Variants in DNAH1 observed in about 807,000 individuals in gnomAD.
The protein encoded by DNAH1 is axonemal beta dynein heavy chain 1.
Under a neutral mutation model 484.3 loss-of-function variants are expected in DNAH1, and 327 were observed. The ratio of observed to expected loss-of-function variants is 0.68; its 90% CI spans 0.62 to 0.74. The LOEUF is 0.74. Among genes scored for constraint, DNAH1 ranks in the 30% least tolerant of loss-of-function variants. DNAH1 has a pLI of 0.00. For missense variants in DNAH1, 5,052 were observed against 5,546.8 expected (o/e 0.91, Z 2.83); for synonymous variants, 2,192 against 2,191.9 (o/e 1.00, Z 0.00).
intron 44 of DNAH1, among the ~76,000 whole-genome samples, chr3:52,373,350 C>T (rs1287857865): frequency 1.3e-5 from 2 of 151,766 alleles, no homozygotes; most frequent in Non-Finnish European, 2.9e-5. Flanking sequence ...GGCGCTGCTG[C>T]TGCGGGGGCA....
chr3:52,374,223 C>G, intron 44 of DNAH1: 1 of 1,390,588 alleles, frequency 7.2e-7, no homozygotes, highest in Non-Finnish European at 1.0e-6. Flanking sequence ...AATGGCATAG[C>G]AGAGTTACTG....
intron 32 of DNAH1, 99 bp downstream of exon 32, chr3:52,363,243 T>C (rs532465121): frequency 1.0e-5 from 15 of 1,468,726 alleles, no homozygotes; most frequent in South Asian, 2.5e-5. Flanking sequence ...GCCCGGTGCT[T>C]TACAGGCATT....
At chr3:52,385,158 G>C (rs994126069) in intron 53 of DNAH1, among the ~76,000 whole-genome samples, 179 bp from the exon 54 acceptor site, 4 of 152,240 alleles carry the variant, frequency 2.6e-5, no homozygotes, top group African/African-American at 9.6e-5. Context: ...AGGCCAAAGC[G>C]TGGCACCCCA....
In DNAH1 at chr3:52,362,957, G is replaced by C; in HGVS notation, c.5095-38G>C. ...GAAGCTGGGGGTGCTCTGGGGGTGAGCTCTGTTTGCTGTTCACATGTGCAC... is the reference window on the plus strand; with the variant it reads ...GAAGCTGGGGGTGCTCTGGGGGTGACCTCTGTTTGCTGTTCACATGTGCAC... On this transcript the variant is annotated intron_variant, in intron 31 of 77. Coordinates refer to ENST00000420323, the MANE Select transcript of DNAH1 (RefSeq NM_015512.5). The surrounding 1 kb of genome is among the most constrained non-coding windows in gnomAD (Gnocchi z 5.1). 31 of 1,611,938 alleles carry C rather than the reference G, an allele frequency of 1.9e-5. No homozygotes were observed. Among genetic ancestry groups the C allele is most frequent in the Non-Finnish European group, 2.6e-5 (31 of 1,178,658 alleles).
At position 52,379,352 on chromosome 3, in the gene DNAH1, A is replaced by C. The variant is rs1040425074; in HGVS notation, c.7378-553A>C. Among the ~76,000 whole-genome samples, 3 of 152,176 alleles carry C rather than the reference A, an allele frequency of 2.0e-5. No individual in the cohort carries two copies. The highest frequency in any genetic ancestry group is 4.4e-5 in the Non-Finnish European group (3 of 68,032). On this transcript the variant is annotated intron_variant, in intron 47 of 77. Coordinates refer to ENST00000420323, the MANE Select transcript of DNAH1 (RefSeq NM_015512.5). The surrounding 1 kb of genome is among the most constrained non-coding windows in gnomAD (Gnocchi z 4.4). ...AGAAGCTGACCCTGGCCTTGTAGCC[A>C]CGCTTGTAGCCAACAAAGTCTACAG...
At chr3:52,384,746 G>A (rs539439797) in intron 52 of DNAH1, 40 bp from the exon 53 acceptor site, 3 of 1,526,892 alleles carry the variant, frequency 2.0e-6, no homozygotes, top group East Asian at 2.4e-5. Context: ...TCTTTCCTGG[G>A]GCCTCTACCA....
At chr3:52,398,783 C>G in intron 75 of DNAH1, 67 bp from the exon 76 acceptor site, 1 of 1,327,004 alleles carries the variant, frequency 7.5e-7, no homozygotes, top group Non-Finnish European at 1.0e-6. Context: ...TGGCCTTGAG[C>G]TGCGGAGCAT....
At chr3:52,388,365 G>T in intron 57 of DNAH1, 31 bp downstream of exon 57, 1 of 1,599,542 alleles carries the variant, frequency 6.3e-7, no homozygotes, top group Non-Finnish European at 8.5e-7. Context: ...GTGGGGGAGG[G>T]CTCCCCTCCC....
At chr3:52,384,695 C>A in intron 52 of DNAH1, 91 bp from the exon 53 acceptor site, 1 of 1,359,578 alleles carries the variant, frequency 7.4e-7, no homozygotes, top group South Asian at 1.5e-5. Context: ...GTGGCCCCCT[C>A]CTCGGCCCAG....
intron 34 of DNAH1, 120 bp from the exon 35 acceptor site, chr3:52,366,337 A>T (rs942796943): frequency 1.1e-5 from 8 of 748,286 alleles, no homozygotes; most frequent in Non-Finnish European, 1.8e-5. Context: ...TCCTCATTTT[A>T]TAGATGAGGA....
chr3:52,398,158 A>G lies in DNAH1; in HGVS notation c.12085A>G (p.Ile4029Val), dbSNP rs1396675196. The G allele has an allele frequency of 6.3e-7, 1 of 1,593,702 alleles. No homozygotes were observed. Among genetic ancestry groups the G allele is most frequent in the Non-Finnish European group, 8.5e-7 (1 of 1,171,066 alleles). The change falls in exon 75 of 78, where the codon ATT becomes GTT. Residue 4029 changes from isoleucine (I) to valine (V), a missense_variant. Ile to Val is a conservative substitution (Grantham distance 29). Coordinates refer to ENST00000420323, the MANE Select transcript of DNAH1 (RefSeq NM_015512.5). Reference protein sequence around the residue: ...SMNTVLVQEVIRYNRLLQVIT... With the variant: ...SMNTVLVQEVVRYNRLLQVIT... Reference sequence around the variant, plus strand: ...GAACACAGTACTAGTACAAGAGGTCATTAGGTAATCACCCCGCCATACCCC... The same window carrying G: ...GAACACAGTACTAGTACAAGAGGTCGTTAGGTAATCACCCCGCCATACCCC...
At position 52,326,174 on chromosome 3, in the gene DNAH1, G is replaced by A. The variant is rs201345706; in HGVS notation, c.441G>A (p.Glu147=). The A allele has an allele frequency of 3.1e-6, 5 of 1,612,062 alleles. No homozygotes were observed. In the African/African-American group the frequency reaches 6.7e-5, roughly 21 times the overall value. ...GSFEVPEDFQ[E]RMEQQCIGST... is the part of the protein sequence containing the mutation. The stretch of plus-strand genomic sequence containing the variant: ...TTGAGGTTCCTGAAGACTTCCAGGA[G>A]CGCATGGAGCAGCAGTGCATCGGGT... Residue 147 remains glutamate (E), a synonymous_variant, in exon 4 of 78, where the codon GAG becomes GAA. Coordinates refer to ENST00000420323, the MANE Select transcript of DNAH1 (RefSeq NM_015512.5).
intron 46 of DNAH1, among the ~76,000 whole-genome samples, chr3:52,377,756 C>CAT (rs3066857): frequency 6.6e-6 from 1 of 151,386 alleles, no homozygotes; most frequent in African/African-American, 2.4e-5. Context: ...TCTGCTTGAC[C>CAT]CCCCTTCCTC....
intron 27 of DNAH1, 81 bp from the exon 28 acceptor site, chr3:52,360,230 A>G: frequency 6.6e-7 from 1 of 1,508,500 alleles, no homozygotes; most frequent in East Asian, 2.3e-5. Flanking sequence ...ATTCCCAAAA[A>G]GAACCCTCTC....
chr3:52,326,528 G>A lies in DNAH1; in HGVS notation c.582-207G>A, dbSNP rs542951244. Among the ~76,000 whole-genome samples the A allele has an allele frequency of 3.9e-5, 6 of 152,228 alleles. No homozygotes were observed. In the South Asian group the frequency reaches 1.0e-3, roughly 26 times the overall value. On this transcript the variant is annotated intron_variant, in intron 4 of 77. Transcript: ENST00000420323. ...CATTGAGGTCAATGAATGGGACTGC[G>A]GGGCGGGACAGAAGGGCAGTTGGAG...
At position 52,395,457 on chromosome 3, in the gene DNAH1, C is replaced by T. The variant is rs771989610; in HGVS notation, c.11118C>T (p.Gly3706=). 1.2e-6 allele frequency: 2 copies of T among 1,613,898 alleles called. No individual in the cohort carries two copies. Among genetic ancestry groups the T allele is most frequent in the Non-Finnish European group, 1.7e-6 (2 of 1,179,890 alleles). Residue 3706 remains glycine (G), a synonymous_variant, in exon 69 of 78, where the codon GGC becomes GGT. Transcript: ENST00000420323. The surrounding 1 kb of genome is among the most constrained non-coding windows in gnomAD (Gnocchi z 4.4). ...AAAAGCTCTCTGCCATCTCCCTGGG[C>T]CAGGGGCAGGTCAGGGCTAGGCAGG... ...FSKKLSAISL[G]QGQGPRAEAM...
chr3:52,373,277 G>A (rs1703432143), intron 44 of DNAH1, among the ~76,000 whole-genome samples: 1 of 151,484 alleles, frequency 6.6e-6, no homozygotes, highest in Non-Finnish European at 1.5e-5. Context: ...GGAAGCGAGA[G>A]CAAGTGAATG....
rs888211318 is a variant in DNAH1 at position 52,352,092 on chromosome 3, G to T, written c.2860G>T (p.Glu954Ter). ...MDQNNFQEKL[E>*]GLQLVVAGFS... The stretch of plus-strand genomic sequence containing the variant: ...TCAGAACAACTTCCAAGAGAAGCTG[G>T]AAGGGCTGCAGGTGGGGCACAGCTG... The change falls in exon 17 of 78, where the codon GAA becomes TAA. Residue 954 changes from glutamate to a stop codon, truncating the protein, a stop_gained. Coordinates refer to ENST00000420323, the MANE Select transcript of DNAH1 (RefSeq NM_015512.5). LOFTEE classifies it high-confidence loss of function. 2 of 1,578,992 alleles carry T rather than the reference G, an allele frequency of 1.3e-6. No homozygotes were observed. The highest frequency in any genetic ancestry group is 1.7e-6 in the Non-Finnish European group (2 of 1,162,912).
rs749453170 is a variant in DNAH1 at position 52,351,958 on chromosome 3, C to A, written c.2730-4C>A. The A allele has an allele frequency of 9.4e-6, 15 of 1,600,082 alleles. No individual in the cohort carries two copies. The highest frequency in any genetic ancestry group is 1.2e-5 in the Non-Finnish European group (14 of 1,173,696). On this transcript the variant is annotated splice_polypyrimidine_tract_variant and splice_region_variant and intron_variant, in intron 16 of 77. Transcript: ENST00000420323. ...CTCCCAATCCCCACCCCCATCCCGG[C>A]CAGATGGATTGCCAGCAACTGGCCT...
Sources: allele counts gnomAD v4.1 joint callset (sites outside exome capture counted in the v4.1 genomes callset), GRCh38; gene constraint gnomAD v4.1.1; non-coding constraint Gnocchi (gnomAD v3.1); transcripts MANE v1.5; gene names NCBI Gene and HGNC (gene_info 2026-07-23, HGNC 2026-07-21).